The following CNTNAP4 variants were observed in gnomAD, a reference collection of about 807,000 sequenced individuals.
The protein encoded by CNTNAP4 is contactin associated protein family member 4, also known as contactin-associated protein-like 4.
A neutral mutation model predicts 148.4 loss-of-function variants in CNTNAP4; 98 were observed. The ratio of observed to expected loss-of-function variants is 0.66; its 90% confidence interval spans 0.56 to 0.78. The LOEUF (loss-of-function observed/expected upper bound fraction) is 0.78. Among genes scored for constraint, CNTNAP4 ranks in the 30% least tolerant of loss-of-function variants. The pLI is 0.00. For synonymous variants in CNTNAP4, 730 were observed against 565.1 expected (o/e 1.29, Z -4.14); for missense variants, 1,935 against 1,565.6 (o/e 1.24, Z -3.98).
At chr16:76,482,544 CT>C (rs2081875196) in intron 12 of CNTNAP4, among the ~76,000 whole-genome samples, 1 of 150,782 alleles carries the variant, frequency 6.6e-6, no homozygotes, top group Non-Finnish European at 1.5e-5. Context: ...ATGTTTAGTT[CT>C]AAAAACTGCA....
Position 76,460,773 on chromosome 16 carries a change from A to AAT in CNTNAP4, c.1334-1162_1334-1161dup, listed in dbSNP as rs150425968. 4.0e-3 allele frequency among the ~76,000 whole-genome samples: 228 copies of AAT among 57,296 alleles called. 18 individuals are homozygous for AAT. The highest frequency in any genetic ancestry group is 0.014 in the African/African-American group (220 of 15,524). 37.6% of individuals were successfully genotyped at this position (57,296 alleles called of 152,430 possible). The stretch of plus-strand genomic sequence containing the variant: ...TGTCTCAAAAAAAAAAAAAAAAAAA[A>AAT]ATATATATATATATATATATATTTA... On this transcript the variant is annotated intron_variant, in intron 8 of 23. Transcript: ENST00000611870.
At chr16:76,497,885 A>C (rs1271924759) in intron 14 of CNTNAP4, among the ~76,000 whole-genome samples, 2 of 152,092 alleles carry the variant, frequency 1.3e-5, no homozygotes, top group Non-Finnish European at 2.9e-5. Context: ...AATAAAAAAG[A>C]AATCATATGG....
intron 2 of CNTNAP4, among the ~76,000 whole-genome samples, chr16:76,343,178 C>G (rs758579126): frequency 3.3e-5 from 5 of 151,556 alleles, no homozygotes; most frequent in Admixed American, 1.3e-4. Context: ...GGAAGCACTG[C>G]TTTATTATGA....
At chr16:76,311,548 GA>G (rs1185834229) in intron 1 of CNTNAP4, among the ~76,000 whole-genome samples, 1 of 152,082 alleles carries the variant, frequency 6.6e-6, no homozygotes, top group Non-Finnish European at 1.5e-5. Context: ...ATTTTTTAAT[GA>G]AAAGACTAAA....
At chr16:76,535,840 T>C in intron 18 of CNTNAP4, 56 bp downstream of exon 18, 1 of 1,536,518 alleles carries the variant, frequency 6.5e-7, no homozygotes, top group South Asian at 1.2e-5. Context: ...GGATTAAATG[T>C]CTGGCAGTTC....
chr16:76,462,909 C>G (rs925449213), intron 9 of CNTNAP4, among the ~76,000 whole-genome samples: 2 of 152,120 alleles, frequency 1.3e-5, no homozygotes, highest in African/African-American at 2.4e-5. Context: ...ATCATTTTTG[C>G]ATTTGATAGA....
intron 15 of CNTNAP4, among the ~76,000 whole-genome samples, chr16:76,514,003 T>C (rs1322789217): frequency 1.3e-5 from 2 of 152,232 alleles, no homozygotes; most frequent in African/African-American, 4.8e-5. Flanking sequence ...TTTTATTGCA[T>C]GATCATGTGT....
chr16:76,484,060 C>A (rs2081935703), intron 12 of CNTNAP4, among the ~76,000 whole-genome samples: 1 of 150,028 alleles, frequency 6.7e-6, no homozygotes, highest in South Asian at 2.1e-4. Context: ...TTTTATATTA[C>A]ATAGCAAATT....
chr16:76,333,779 GTTTTTTTTTTTT>G lies in CNTNAP4; in HGVS notation c.196+17270_196+17281del, dbSNP rs549878036. Among the ~76,000 whole-genome samples the G allele has an allele frequency of 1.2e-3, 53 of 45,632 alleles. 1 individual carries two copies. The South Asian group carries it at 0.04, about 35-fold the overall frequency. 29.9% of individuals were successfully genotyped at this position (45,632 alleles called of 152,430 possible). ...TTTTTGTTGCTTGTGTGGGTTATAGGTTTTTTTTTTTTTTTTTTTTTTTTTGGTGACTTTTCT... is the reference window on the plus strand; with the variant it reads ...TTTTTGTTGCTTGTGTGGGTTATAGGTTTTTTTTTTTTTGGTGACTTTTCT... On this transcript the variant is annotated intron_variant, in intron 2 of 23. Transcript: ENST00000611870.
At chr16:76,317,265 CAA>C (rs1302355658) in intron 2 of CNTNAP4, among the ~76,000 whole-genome samples, 1 of 44,358 alleles carries the variant, frequency 2.3e-5, no homozygotes, top group Non-Finnish European at 5.0e-5. Flanking sequence ...AAAAAAAAAA[CAA>C]AAAAAAAAAC....
At chr16:76,316,117 A>G in intron 1 of CNTNAP4, 2 of 450,392 alleles carry the variant, frequency 4.4e-6, no homozygotes, top group Non-Finnish European at 7.7e-6. Context: ...ATTTTCATAC[A>G]GTTAAATTTG....
chr16:76,471,678 C>T (rs148699665), intron 10 of CNTNAP4, among the ~76,000 whole-genome samples: 1 of 152,124 alleles, frequency 6.6e-6, no homozygotes, highest in Non-Finnish European at 1.5e-5. Context: ...CCCAAGCCTG[C>T]CCTTTGTTCC....
intron 4 of CNTNAP4, among the ~76,000 whole-genome samples, chr16:76,446,297 G>C (rs562824801): frequency 3.5e-4 from 53 of 152,248 alleles, no homozygotes; most frequent in African/African-American, 1.3e-3. Flanking sequence ...GAAGAAGCCA[G>C]CTTACCAGTT....
chr16:76,327,750 G>A (rs956889908), intron 2 of CNTNAP4, among the ~76,000 whole-genome samples: 3 of 152,154 alleles, frequency 2.0e-5, no homozygotes, highest in Non-Finnish European at 2.9e-5. Context: ...GAGGCTAAAC[G>A]TGCCAAAGAG....
chr16:76,539,057 A>T (rs1005900822), intron 19 of CNTNAP4, among the ~76,000 whole-genome samples: 1 of 151,672 alleles, frequency 6.6e-6, no homozygotes, highest in African/African-American at 2.4e-5. Context: ...AGATTGTTCG[A>T]TAAGTGTATT....
intron 14 of CNTNAP4, among the ~76,000 whole-genome samples, chr16:76,496,223 C>G (rs1471639632): frequency 1.3e-5 from 2 of 151,520 alleles, no homozygotes; most frequent in Non-Finnish European, 3.0e-5. Context: ...TGGAAGGCAC[C>G]CTTTTCTTAT....
chr16:76,306,074 G>A (rs963737143), intron 1 of CNTNAP4, among the ~76,000 whole-genome samples: 9 of 152,096 alleles, frequency 5.9e-5, no homozygotes, highest in African/African-American at 2.2e-4. Context: ...TGGGCACCTC[G>A]ATTGATTCCA....
chr16:76,381,322 C>T (rs969716656), intron 3 of CNTNAP4, among the ~76,000 whole-genome samples: 2 of 152,150 alleles, frequency 1.3e-5, no homozygotes, highest in Admixed American at 6.6e-5. Flanking sequence ...TGAACCATCA[C>T]ACAGTAGCCT....
At chr16:76,419,804 G>A (rs1349168721) in intron 3 of CNTNAP4, among the ~76,000 whole-genome samples, 2 of 151,944 alleles carry the variant, frequency 1.3e-5, no homozygotes, top group East Asian at 1.9e-4. Context: ...TCTTGGTTAG[G>A]GTCCTATTTG....
Sources: gnomAD v4.1 joint callset for allele counts (sites outside exome capture counted in the v4.1 genomes callset) on GRCh38, gnomAD v4.1.1 for gene constraint, MANE v1.5 for transcripts, NCBI Gene and HGNC (gene_info 2026-07-23, HGNC 2026-07-21) for gene names.